Variants in ANK2 observed in about 807,000 individuals in gnomAD.
ANK2 encodes ankyrin 2.
In ANK2, 83 loss-of-function variants were observed where a neutral mutation model predicts 360.5. The observed-to-expected ratio is 0.23, with a 90% CI of 0.19 to 0.28. The LOEUF (loss-of-function observed/expected upper bound fraction) is 0.28. Among genes scored for constraint, ANK2 ranks in the 10% least tolerant of loss-of-function variants. The pLI, the probability that ANK2 is intolerant of heterozygous loss-of-function variation, is 1.00. For synonymous variants in ANK2, 1,740 were observed against 1,759.5 expected, an observed-to-expected ratio of 0.99 and a Z score of 0.28; for missense variants, 4,201 against 4,795.7, an observed-to-expected ratio of 0.88 and a Z score of 3.66.
intron 1 of ANK2, among the ~76,000 whole-genome samples, chr4:113,067,801 A>T (rs1388973913): frequency 2.6e-5 from 4 of 152,206 alleles, no homozygotes; most frequent in Non-Finnish European, 4.4e-5. Context: ...CTTAGGTTGC[A>T]CTTTACATAT....
At chr4:113,314,540 T>C (rs892254504) in intron 24 of ANK2, among the ~76,000 whole-genome samples, 2 of 152,202 alleles carry the variant, frequency 1.3e-5, no homozygotes, top group Non-Finnish European at 2.9e-5. Flanking sequence ...ATACATTTAT[T>C]AACTGAATAG....
chr4:112,872,989 T>A (rs1480724238), intron 1 of ANK2, among the ~76,000 whole-genome samples: 1 of 152,154 alleles, frequency 6.6e-6, no homozygotes, highest in African/African-American at 2.4e-5. Flanking sequence ...ATCTGAGTTA[T>A]CTCATTTGTT....
intron 1 of ANK2, among the ~76,000 whole-genome samples, chr4:113,055,116 G>A (rs1210996081): frequency 2.0e-5 from 3 of 152,114 alleles, no homozygotes; most frequent in African/African-American, 7.2e-5. Context: ...GTCTTAGCCA[G>A]GTGCAGTGGC....
At chr4:113,247,225 C>T (rs1476883436) in intron 9 of ANK2, among the ~76,000 whole-genome samples, 2 of 149,828 alleles carry the variant, frequency 1.3e-5, no homozygotes, top group African/African-American at 4.9e-5. Flanking sequence ...AAACCCATAA[C>T]CTGCAACTAC....
the ANK2 span, among the ~76,000 whole-genome samples, chr4:112,781,398 C>G: frequency 6.6e-6 from 1 of 152,290 alleles, no homozygotes; most frequent in South Asian, 2.1e-4. Flanking sequence ...CCACACCCAG[C>G]TGAAAAGTAA....
chr4:112,765,625 C>A, the ANK2 span, among the ~76,000 whole-genome samples: 1 of 151,224 alleles, frequency 6.6e-6, no homozygotes, highest in Non-Finnish European at 1.5e-5. Flanking sequence ...ATACTACATA[C>A]CACTGTGTTC....
At chr4:112,741,572 A>G in the ANK2 span, among the ~76,000 whole-genome samples, 1 of 152,190 alleles carries the variant, frequency 6.6e-6, no homozygotes, top group Non-Finnish European at 1.5e-5. Context: ...CGCCTAGTGT[A>G]AGCATTGCTC....
Position 113,353,029 on chromosome 4 carries a change from T to A in ANK2, c.4427-16T>A, listed in dbSNP as rs2095517893. 1.2e-6 allele frequency: 2 copies of A among 1,611,376 alleles called. No homozygotes were observed. Among genetic ancestry groups the A allele is most frequent in the Non-Finnish European group, 8.5e-7 (1 of 1,178,418 alleles). ...GATTTCCATTTTACTTTCAATGTTT[T>A]TCATTCACATCAAAGATGATGAGAC... On this transcript the variant is annotated splice_polypyrimidine_tract_variant and intron_variant, in intron 37 of 45. Coordinates refer to ENST00000357077, the MANE Select transcript of ANK2 (RefSeq NM_001148.6).
intron 2 of ANK2, among the ~76,000 whole-genome samples, chr4:113,181,746 G>A (rs767333476): frequency 6.6e-6 from 1 of 152,252 alleles, no homozygotes; most frequent in Non-Finnish European, 1.5e-5. Context: ...TGAGAGAACC[G>A]CACAGAAGGA....
intron 1 of ANK2, among the ~76,000 whole-genome samples, chr4:112,845,258 TCAA>T (rs2063032107): frequency 6.6e-6 from 1 of 151,346 alleles, no homozygotes; most frequent in African/African-American, 2.4e-5. Context: ...TAAATTGTAA[TCAA>T]CAGTATAATC....
At chr4:112,997,223 T>C (rs1460536854) in intron 2 of ANK2, among the ~76,000 whole-genome samples, 1 of 152,200 alleles carries the variant, frequency 6.6e-6, no homozygotes, top group African/African-American at 2.4e-5. Context: ...TTAACACATG[T>C]ATTGCTTCAT....
At chr4:113,320,292 C>G (rs567133517) in intron 26 of ANK2, among the ~76,000 whole-genome samples, 3 of 152,158 alleles carry the variant, frequency 2.0e-5, no homozygotes, top group Non-Finnish European at 4.4e-5. Flanking sequence ...GAATCTCAAG[C>G]ATTTAATACT....
chr4:113,375,657 G>A (rs758313459), intron 45 of ANK2, among the ~76,000 whole-genome samples: 3 of 151,596 alleles, frequency 2.0e-5, no homozygotes, highest in African/African-American at 7.3e-5. Flanking sequence ...CCTGGGAGGC[G>A]GAGCTTGCAG....
chr4:113,310,091 C>T (rs2079135570), intron 23 of ANK2, among the ~76,000 whole-genome samples: 1 of 152,020 alleles, frequency 6.6e-6, no homozygotes, highest in Admixed American at 6.6e-5. Context: ...CCTTCCTCAC[C>T]CTACCAAGGT....
chr4:112,938,535 A>G (rs1373581394), intron 2 of ANK2, among the ~76,000 whole-genome samples: 12 of 152,210 alleles, frequency 7.9e-5, no homozygotes, highest in Non-Finnish European at 1.6e-4. Context: ...CCCCAAAATG[A>G]TATATTTTAA....
At chr4:113,191,651 A>G (rs1280555375) in intron 2 of ANK2, among the ~76,000 whole-genome samples, 1 of 152,174 alleles carries the variant, frequency 6.6e-6, no homozygotes, top group Non-Finnish European at 1.5e-5. Context: ...GAATATATAC[A>G]TGTATTACTG....
intron 1 of ANK2, among the ~76,000 whole-genome samples, chr4:113,079,657 G>A (rs758076212): frequency 9.9e-5 from 15 of 151,998 alleles, no homozygotes; most frequent in Non-Finnish European, 2.2e-4. Flanking sequence ...AAACTTCTTC[G>A]TTGATACCTG....
chr4:113,253,988 G>A (rs1320903974), intron 10 of ANK2, among the ~76,000 whole-genome samples: 1 of 151,982 alleles, frequency 6.6e-6, no homozygotes, highest in Non-Finnish European at 1.5e-5. Context: ...TATTGATATC[G>A]ATCATGCCCG....
At chr4:112,901,750 A>G (rs2083447535) in intron 1 of ANK2, among the ~76,000 whole-genome samples, 1 of 151,850 alleles carries the variant, frequency 6.6e-6, no homozygotes, top group Admixed American at 6.6e-5. Flanking sequence ...AATCCCAGCT[A>G]CTCAGGAAGG....
Sources: allele counts gnomAD v4.1 joint callset (sites outside exome capture counted in the v4.1 genomes callset), GRCh38; gene constraint gnomAD v4.1.1; transcripts MANE v1.5; gene names NCBI Gene and HGNC (gene_info 2026-07-23, HGNC 2026-07-21).